NCAM2: variants seen among roughly 807,000 people sequenced by gnomAD.
NCAM2 encodes the protein N-CAM-2.
A neutral mutation model predicts 98.1 loss-of-function variants in NCAM2; 30 were observed. The observed-to-expected ratio is 0.31, with a 90% CI of 0.23 to 0.41. NCAM2 has a LOEUF of 0.41. Ranked by LOEUF, NCAM2 falls within the 10% of genes least tolerant of loss-of-function variation. NCAM2 has a pLI of 1.00. For synonymous variants in NCAM2, 368 were observed against 342.4 expected (o/e 1.07, Z -0.83); for missense variants, 867 against 1,005.8 (o/e 0.86, Z 1.87).
At chr21:21,339,521 A>G (rs1264244731) in intron 8 of NCAM2, among the ~76,000 whole-genome samples, 3 of 152,046 alleles carry the variant, frequency 2.0e-5, no homozygotes, top group African/African-American at 4.8e-5. Context: ...AGTGAAGATT[A>G]TAACATTAGG....
At chr21:21,509,883 A>C (rs1988251016) in intron 16 of NCAM2, among the ~76,000 whole-genome samples, 1 of 152,184 alleles carries the variant, frequency 6.6e-6, no homozygotes, top group Non-Finnish European at 1.5e-5. Context: ...GGGTTTGTAT[A>C]CATATACATG....
intron 9 of NCAM2, among the ~76,000 whole-genome samples, chr21:21,375,873 T>C (rs1340632133): frequency 1.3e-5 from 2 of 151,864 alleles, no homozygotes; most frequent in African/African-American, 4.8e-5. Context: ...TTAGGACTTT[T>C]ATTCTTTGCA....
chr21:21,412,535 T>A (rs2076908470), intron 10 of NCAM2, among the ~76,000 whole-genome samples: 1 of 152,170 alleles, frequency 6.6e-6, no homozygotes, highest in Admixed American at 6.5e-5. Flanking sequence ...ATTCTCTATA[T>A]TTAATGTGAA....
chr21:21,487,890 G>A (rs764204026), intron 15 of NCAM2, among the ~76,000 whole-genome samples: 6 of 152,178 alleles, frequency 3.9e-5, no homozygotes, highest in Middle Eastern at 6.8e-3. Flanking sequence ...TAGGTGAGTT[G>A]CTATTTTTGT....
At chr21:21,025,781 T>C (rs1682101827) in intron 1 of NCAM2, among the ~76,000 whole-genome samples, 1 of 152,242 alleles carries the variant, frequency 6.6e-6, no homozygotes, top group Admixed American at 6.5e-5. Flanking sequence ...GTGAACTGGC[T>C]ATACATACTG....
chr21:21,253,562 A>G (rs1313143066), intron 1 of NCAM2, among the ~76,000 whole-genome samples: 2 of 152,166 alleles, frequency 1.3e-5, no homozygotes, highest in Non-Finnish European at 2.9e-5. Context: ...AAACCTCACC[A>G]GAATCTGTGA....
chr21:21,202,229 A>G (rs532863856), intron 1 of NCAM2, among the ~76,000 whole-genome samples: 2 of 152,228 alleles, frequency 1.3e-5, no homozygotes, highest in East Asian at 1.9e-4. Flanking sequence ...TTACCACCAT[A>G]TAAATCTGGT....
At chr21:21,185,718 A>T (rs150069379) in intron 1 of NCAM2, among the ~76,000 whole-genome samples, 3 of 152,136 alleles carry the variant, frequency 2.0e-5, no homozygotes, top group African/African-American at 7.2e-5. Flanking sequence ...ATTGGAAACT[A>T]TGTGACTGCC....
At chr21:21,530,234 T>TTAATTAAATTAATTATATA (rs1569141880) in intron 16 of NCAM2, among the ~76,000 whole-genome samples, 14 of 71,738 alleles carry the variant, frequency 2.0e-4, no homozygotes, top group African/African-American at 6.5e-4. Flanking sequence ...TTATATATAT[T>TTAATTAAATTAATTATATA]TAATTTAAAT....
intron 16 of NCAM2, among the ~76,000 whole-genome samples, chr21:21,527,797 A>G (rs999873255): frequency 1.3e-5 from 2 of 152,178 alleles, no homozygotes; most frequent in Admixed American, 6.5e-5. Flanking sequence ...GCAGCTTCTC[A>G]AGAAAATAAA....
chr21:21,164,160 T>G (rs1402725274), intron 1 of NCAM2, among the ~76,000 whole-genome samples: 1 of 151,892 alleles, frequency 6.6e-6, no homozygotes, highest in East Asian at 1.9e-4. Flanking sequence ...CATCCTTGGC[T>G]GGGCAAACTC....
intron 1 of NCAM2, among the ~76,000 whole-genome samples, chr21:21,043,569 T>A (rs1195383159): frequency 1.3e-5 from 2 of 151,950 alleles, no homozygotes; most frequent in Non-Finnish European, 2.9e-5. Context: ...TAATTTTTAT[T>A]TTTGTTAGAT....
intron 1 of NCAM2, chr21:21,210,661 G>A (rs377423109): frequency 1.6e-6 from 2 of 1,279,164 alleles, no homozygotes. Context: ...TTATCTTGAA[G>A]AAGGGCAACC....
intron 1 of NCAM2, among the ~76,000 whole-genome samples, chr21:21,178,433 C>G (rs1418498767): frequency 2.0e-5 from 3 of 152,054 alleles, no homozygotes; most frequent in Admixed American, 2.0e-4. Context: ...ATATTTTCCT[C>G]TACAATTTTT....
intron 1 of NCAM2, among the ~76,000 whole-genome samples, chr21:21,267,198 C>T (rs1204052283): frequency 6.6e-6 from 1 of 152,082 alleles, no homozygotes; most frequent in African/African-American, 2.4e-5. Context: ...AAATAAAGCA[C>T]TTTTGATACT....
intron 1 of NCAM2, among the ~76,000 whole-genome samples, chr21:21,054,274 G>C (rs1209614662): frequency 6.6e-6 from 1 of 151,828 alleles, no homozygotes; most frequent in Non-Finnish European, 1.5e-5. Context: ...GGTGAATATT[G>C]GTTGTCACCA....
chr21:21,160,660 A>G lies in NCAM2; in HGVS notation c.56-119918A>G, dbSNP rs371834185. On this transcript the variant is annotated intron_variant, in intron 1 of 17. Coordinates refer to ENST00000400546, the MANE Select transcript of NCAM2 (RefSeq NM_004540.5). Reference sequence around the variant, plus strand: ...TTATTTCTTACTATTTACATTTGGAAACTTAAATTCTATGCTATAGTGTTG... The same window carrying G: ...TTATTTCTTACTATTTACATTTGGAGACTTAAATTCTATGCTATAGTGTTG... Among the ~76,000 whole-genome samples, 3 of 152,136 alleles carry G rather than the reference A, an allele frequency of 2.0e-5. No individual in the cohort carries two copies. In the South Asian group the frequency reaches 6.2e-4, roughly 31 times the overall value.
chr21:21,468,621 G>A lies in NCAM2; in HGVS notation c.1775-41G>A, dbSNP rs771984093. The stretch of plus-strand genomic sequence containing the variant: ...TAAAATATAGTTTATCTAGGTATCT[G>A]AAATGTGTGCAAATGAAGAAATGTT... On this transcript the variant is annotated intron_variant, in intron 13 of 17. Coordinates refer to ENST00000400546, the MANE Select transcript of NCAM2 (RefSeq NM_004540.5). 6 of 1,563,168 alleles carry A rather than the reference G, an allele frequency of 3.8e-6. No individual in the cohort carries two copies. The African/African-American group carries it at 6.8e-5, about 18-fold the overall frequency.
At chr21:21,255,312 G>T (rs888941401) in intron 1 of NCAM2, among the ~76,000 whole-genome samples, 7 of 152,158 alleles carry the variant, frequency 4.6e-5, no homozygotes, top group Non-Finnish European at 7.3e-5. Flanking sequence ...ACTGAAATGT[G>T]CTTCTCATGT....
Sources: allele counts gnomAD v4.1 joint callset (sites outside exome capture counted in the v4.1 genomes callset), GRCh38; gene constraint gnomAD v4.1.1; transcripts MANE v1.5; gene names NCBI Gene and HGNC (gene_info 2026-07-23, HGNC 2026-07-21).